The following STXBP5L variants were observed in gnomAD, a reference collection of about 807,000 sequenced individuals.
STXBP5L encodes syntaxin binding protein 5L.
STXBP5L carries 65 observed loss-of-function variants against 144.5 expected under a neutral mutation model. The ratio of observed to expected loss-of-function variants is 0.45; its 90% CI spans 0.37 to 0.55. The LOEUF is 0.55. STXBP5L is among the 20% of genes least tolerant of loss of function. The pLI is 0.00. For synonymous variants in STXBP5L, 505 were observed against 469.6 expected, an observed-to-expected ratio of 1.08 and a Z score of -0.97; for missense variants, 1,298 against 1,405.5, an observed-to-expected ratio of 0.92 and a Z score of 1.22.
At position 121,238,863 on chromosome 3, in the gene STXBP5L, G is replaced by A. The variant is rs1314431710; in HGVS notation, c.1185-108G>A. The A allele has an allele frequency of 1.6e-5, 18 of 1,137,264 alleles. No homozygotes were observed. The South Asian group carries it at 3.4e-4, about 22-fold the overall frequency. The allele number at this position is 1,137,264 out of a possible 1,614,324, so 70.4% of individuals were successfully genotyped here. A position where few individuals can be genotyped will look rare whatever the true frequency, so the allele number is the denominator to read the frequency against. ...TTGTTTTATGGTACTTAAAAAACAA[G>A]CAAAATTTATAGTGATGTTTAGAGA... On this transcript the variant is annotated intron_variant, in intron 12 of 26. Coordinates refer to ENST00000471454, the MANE Select transcript of STXBP5L (RefSeq NM_001308330.2).
intron 20 of STXBP5L, among the ~76,000 whole-genome samples, chr3:121,356,830 A>G (rs979130940): frequency 6.6e-6 from 1 of 152,146 alleles, no homozygotes; most frequent in Non-Finnish European, 1.5e-5. Flanking sequence ...TGGAACCTGG[A>G]CCAGCATATT....
At chr3:121,415,458 A>G (rs577901499) in intron 24 of STXBP5L, among the ~76,000 whole-genome samples, 7 of 152,246 alleles carry the variant, frequency 4.6e-5, no homozygotes, top group African/African-American at 1.7e-4. Flanking sequence ...CATACCACCA[A>G]AGCTGTCCTA....
chr3:121,395,056 A>G (rs566473552), intron 22 of STXBP5L, among the ~76,000 whole-genome samples: 3 of 152,184 alleles, frequency 2.0e-5, no homozygotes, highest in Non-Finnish European at 4.4e-5. Context: ...ACAGATGAAA[A>G]AAAATCTATT....
At chr3:120,936,294 A>G (rs1372114139) in intron 2 of STXBP5L, among the ~76,000 whole-genome samples, 1 of 152,170 alleles carries the variant, frequency 6.6e-6, no homozygotes, top group Admixed American at 6.5e-5. Context: ...CTTATTAATC[A>G]TAGATTTAAA....
At chr3:121,055,321 A>T (rs1403163266) in intron 5 of STXBP5L, among the ~76,000 whole-genome samples, 1 of 152,128 alleles carries the variant, frequency 6.6e-6, no homozygotes, top group Non-Finnish European at 1.5e-5. Flanking sequence ...ATCTGATATT[A>T]GCCGTTTAAT....
chr3:121,221,505 C>G (rs1425797892), intron 10 of STXBP5L, among the ~76,000 whole-genome samples: 1 of 151,438 alleles, frequency 6.6e-6, no homozygotes, highest in Non-Finnish European at 1.5e-5. Context: ...TGAAAAGATA[C>G]TACATTCTCT....
chr3:121,348,049 A>T (rs916071793), intron 20 of STXBP5L, among the ~76,000 whole-genome samples: 8 of 152,116 alleles, frequency 5.3e-5, no homozygotes, highest in African/African-American at 1.9e-4. Context: ...TTTCACAGGG[A>T]ATGCTTCCAG....
At chr3:121,265,218 T>G (rs1462244101) in intron 18 of STXBP5L, among the ~76,000 whole-genome samples, 1 of 152,138 alleles carries the variant, frequency 6.6e-6, no homozygotes, top group Admixed American at 6.6e-5. Flanking sequence ...ACCACATAAT[T>G]GGAAGTAAAA....
In STXBP5L at chr3:121,424,729, A is replaced by T. The variant is rs2047424376; in HGVS notation, c.*5632A>T. On this transcript the variant is annotated 3_prime_UTR_variant, in exon 27 of 27. Transcript: ENST00000471454. The stretch of plus-strand genomic sequence containing the variant: ...TTAACAAAATTCTTGTAGTCTGTAG[A>T]GATATCAATAAAATTGTATATGTTT... 1.3e-5 allele frequency: 2 copies of T among 152,196 alleles called. No individual in the cohort carries two copies. Among genetic ancestry groups the T allele is most frequent in the Admixed American group, 1.3e-4 (2 of 15,270 alleles). The allele number at this position is 152,196 out of a possible 1,614,324, so 9.4% of individuals were successfully genotyped here. A position where few individuals can be genotyped will look rare whatever the true frequency, so the allele number is the denominator to read the frequency against.
chr3:121,394,899 A>G (rs1427594053), intron 22 of STXBP5L, among the ~76,000 whole-genome samples: 5 of 152,136 alleles, frequency 3.3e-5, no homozygotes, highest in Non-Finnish European at 5.9e-5. Context: ...AGGGTTTTAA[A>G]GGATTTTTAG....
intron 3 of STXBP5L, among the ~76,000 whole-genome samples, chr3:121,025,821 G>A (rs143956832): frequency 0.012 from 1,793 of 148,932 alleles, 36 homozygotes; most frequent in African/African-American, 0.041. Context: ...AATCCCTCTA[G>A]AGCATTACTT....
chr3:121,100,583 TGCAACAAAA>T (rs1333335423), intron 5 of STXBP5L, among the ~76,000 whole-genome samples: 1 of 152,072 alleles, frequency 6.6e-6, no homozygotes, highest in Non-Finnish European at 1.5e-5. Flanking sequence ...ATCTCTGGGA[TGCAACAAAA>T]GCAATGTTAA....
intron 9 of STXBP5L, among the ~76,000 whole-genome samples, chr3:121,165,760 T>A (rs1040299485): frequency 6.6e-6 from 1 of 152,046 alleles, no homozygotes; most frequent in Non-Finnish European, 1.5e-5. Flanking sequence ...GTCAGGCTCC[T>A]CCCCACTGCA....
intron 19 of STXBP5L, among the ~76,000 whole-genome samples, chr3:121,285,087 T>C (rs545334406): frequency 4.9e-4 from 75 of 152,224 alleles, no homozygotes; most frequent in African/African-American, 1.6e-3. Flanking sequence ...CATTAATTGC[T>C]TACTAACTTT....
At chr3:121,112,632 T>C (rs2044043333) in intron 5 of STXBP5L, among the ~76,000 whole-genome samples, 1 of 151,966 alleles carries the variant, frequency 6.6e-6, no homozygotes, top group African/African-American at 2.4e-5. Context: ...GCAACAATAC[T>C]TTTTTTATAA....
chr3:121,416,127 C>T (rs966835595), intron 25 of STXBP5L, among the ~76,000 whole-genome samples, 159 bp downstream of exon 25: 1 of 112,418 alleles, frequency 8.9e-6, no homozygotes, highest in South Asian at 3.9e-4. Context: ...TCCTTCTGTA[C>T]CATAAAAATC....
chr3:120,926,356 C>CTTTTTTTTTTTTTTTT (rs35029446), intron 2 of STXBP5L, among the ~76,000 whole-genome samples: 2 of 139,740 alleles, frequency 1.4e-5, no homozygotes, highest in Non-Finnish European at 1.5e-5. Flanking sequence ...GATGGCAGTT[C>CTTTTTTTTTTTTTTTT]TTTTTTTTTT....
intron 19 of STXBP5L, among the ~76,000 whole-genome samples, chr3:121,302,958 G>A (rs1217718560): frequency 1.3e-5 from 2 of 152,150 alleles, no homozygotes; most frequent in Non-Finnish European, 2.9e-5. Flanking sequence ...TACCATTCAG[G>A]ATATAGGCAT....
intron 19 of STXBP5L, among the ~76,000 whole-genome samples, chr3:121,309,786 T>C (rs1332044676): frequency 6.6e-6 from 1 of 152,134 alleles, no homozygotes; most frequent in Non-Finnish European, 1.5e-5. Flanking sequence ...CACAGTCCTA[T>C]AAAAAAATCT....
Sources: gnomAD v4.1 joint callset for allele counts (sites outside exome capture counted in the v4.1 genomes callset) on GRCh38, gnomAD v4.1.1 for gene constraint, MANE v1.5 for transcripts, NCBI Gene and HGNC (gene_info 2026-07-23, HGNC 2026-07-21) for gene names.